Variants in DCUN1D2 observed in about 807,000 individuals in gnomAD.
The protein encoded by DCUN1D2 is DCN1-like protein 2.
A neutral mutation model predicts 30.9 loss-of-function variants in DCUN1D2; 29 were observed. That is an observed-to-expected ratio of 0.94 (90% CI 0.70 to 1.28). The LOEUF (loss-of-function observed/expected upper bound fraction) is 1.28, where lower values mean the gene tolerates loss of function less well. Ranked by LOEUF, DCUN1D2 falls within the 50% of genes most tolerant of loss-of-function variation. The probability of loss-of-function intolerance (pLI) is 0.00; values close to 1 mark genes in which losing one functional copy is unlikely to be tolerated. For missense variants in DCUN1D2, 325 were observed against 316.9 expected (o/e 1.03, Z -0.19); for synonymous variants, 121 against 115.3 (o/e 1.05, Z -0.32).
rs111264541 is a variant in DCUN1D2, at chr13:113,463,542, C to A, written c.521-2406G>T. Among the ~76,000 whole-genome samples, 1,049 of 149,744 alleles carry A rather than the reference C, an allele frequency of 7.0e-3. 6 individuals are homozygous for A. Among genetic ancestry groups the A allele is most frequent in the Non-Finnish European group, 0.012 (824 of 67,194 alleles). ...CCCTCACCTCTTTAAAAAAAAAAAA[C>A]AAAAACAAAAACACAAAAGATTCCC... On this transcript the variant is annotated intron_variant, in intron 4 of 6. Coordinates refer to ENST00000478244, the MANE Select transcript of DCUN1D2 (RefSeq NM_001014283.2).
intron 4 of DCUN1D2, among the ~76,000 whole-genome samples, chr13:113,466,709 C>CTT (rs2044408300): frequency 6.6e-6 from 1 of 151,704 alleles, no homozygotes; most frequent in African/African-American, 2.4e-5. Context: ...GTGAAACAGG[C>CTT]TTTTCTCTAG....
chr13:113,464,002 C>T (rs1595568994), intron 4 of DCUN1D2, among the ~76,000 whole-genome samples: 1 of 152,228 alleles, frequency 6.6e-6, no homozygotes, highest in East Asian at 1.9e-4. Flanking sequence ...GACGGCTCTA[C>T]TTCTGGGCTA....
chr13:113,461,827 G>A (rs539850311), intron 4 of DCUN1D2, among the ~76,000 whole-genome samples: 2 of 152,292 alleles, frequency 1.3e-5, no homozygotes, highest in East Asian at 1.9e-4. Flanking sequence ...TATGAATGCC[G>A]AGTTTCAGGG....
chr13:113,463,761 G>C (rs2044356608), intron 4 of DCUN1D2, among the ~76,000 whole-genome samples: 1 of 148,696 alleles, frequency 6.7e-6, no homozygotes, highest in African/African-American at 2.5e-5. Context: ...CCCACAAAGA[G>C]ACACAGACAC....
At chr13:113,474,820 T>C (rs982157792) in intron 3 of DCUN1D2, among the ~76,000 whole-genome samples, 4 of 152,224 alleles carry the variant, frequency 2.6e-5, no homozygotes, top group Non-Finnish European at 5.9e-5. Context: ...TGTCCCATCA[T>C]ACAAGCGAAA....
upstream of DCUN1D2, chr13:113,490,920 G>T: frequency 4.3e-6 from 1 of 230,174 alleles, no homozygotes; most frequent in Non-Finnish European, 8.2e-6. The surrounding 1 kb of genome is among the most constrained non-coding windows in gnomAD (Gnocchi z 5.2). Context: ...GCCAGCCTGC[G>T]GCTGCCAGGC....
intron 1 of DCUN1D2, among the ~76,000 whole-genome samples, chr13:113,486,604 C>G (rs911245184): frequency 1.3e-5 from 2 of 152,330 alleles, no homozygotes; most frequent in African/African-American, 4.8e-5. Flanking sequence ...GCTACTCAAA[C>G]AATGAGTGTT....
In DCUN1D2 at chr13:113,472,258, G is replaced by A. The variant is rs1474593789; in HGVS notation, c.520+1866C>T. Among the ~76,000 whole-genome samples the A allele has an allele frequency of 1.9e-4, 29 of 152,032 alleles. 1 individual carries two copies. The highest frequency in any genetic ancestry group is 1.8e-3 in the Admixed American group (28 of 15,254). Reference sequence around the variant, plus strand: ...AGTAGGAAAAATAATCTGTAGTCCTGACTGTGGTTTAGAAGCATCCAAATG... The same window carrying A: ...AGTAGGAAAAATAATCTGTAGTCCTAACTGTGGTTTAGAAGCATCCAAATG... On this transcript the variant is annotated intron_variant, in intron 4 of 6. Transcript: ENST00000478244.
chr13:113,488,099 G>A lies in DCUN1D2; in HGVS notation c.3+2568C>T, dbSNP rs905212664. Among the ~76,000 whole-genome samples, 3 of 152,158 alleles carry A rather than the reference G, an allele frequency of 2.0e-5. No homozygotes were observed. The East Asian group carries it at 5.8e-4, about 29-fold the overall frequency. ...AGCAGCCTAATTTCTTGGAACTCTA[G>A]AAGAACAGATGCAGGAGCACATGGA... On this transcript the variant is annotated intron_variant, in intron 1 of 6. Coordinates refer to ENST00000478244, the MANE Select transcript of DCUN1D2 (RefSeq NM_001014283.2). The surrounding 1 kb of genome is among the most constrained non-coding windows in gnomAD (Gnocchi z 4.3).
rs1169165862 is a variant in DCUN1D2 at position 113,456,875 on chromosome 13, G to GT, written c.*1153dup. The GT allele has an allele frequency of 6.3e-5, 9 of 143,468 alleles. No individual in the cohort carries two copies. The highest frequency in any genetic ancestry group is 2.2e-4 in the African/African-American group (8 of 35,822). 8.9% of individuals were successfully genotyped at this position (143,468 alleles called of 1,614,324 possible). On this transcript the variant is annotated 3_prime_UTR_variant, in exon 7 of 7. Coordinates refer to ENST00000478244, the MANE Select transcript of DCUN1D2 (RefSeq NM_001014283.2). ...AAGAACCAGCTCATTCGGTTTTATT[G>GT]TATGTATGTATGTATTTATTTTGAG...
chr13:113,484,268 A>C, intron 1 of DCUN1D2: 2 of 1,023,984 alleles, frequency 2.0e-6, no homozygotes, highest in Non-Finnish European at 2.7e-6. Flanking sequence ...ATGAGAATTA[A>C]CATTTTATAC....
chr13:113,459,088 C>T (rs1373707956), intron 6 of DCUN1D2, among the ~76,000 whole-genome samples: 1 of 152,196 alleles, frequency 6.6e-6, no homozygotes, highest in Non-Finnish European at 1.5e-5. Context: ...TAACTCTTCA[C>T]ATCCAATTCT....
intron 4 of DCUN1D2, among the ~76,000 whole-genome samples, chr13:113,466,336 A>G (rs999489472): frequency 1.3e-5 from 2 of 152,260 alleles, no homozygotes; most frequent in Admixed American, 1.3e-4. Flanking sequence ...ATAAAAAATA[A>G]AGAGTTTTAT....
At chr13:113,478,295 C>G (rs565119063) in intron 3 of DCUN1D2, among the ~76,000 whole-genome samples, 1 of 150,674 alleles carries the variant, frequency 6.6e-6, no homozygotes, top group Non-Finnish European at 1.5e-5. Flanking sequence ...TTTTCACATA[C>G]GTTGTCAAAT....
intron 4 of DCUN1D2, 74 bp from the exon 5 acceptor site, chr13:113,461,210 T>C (rs2044313099): frequency 1.1e-6 from 1 of 892,884 alleles, no homozygotes; most frequent in Non-Finnish European, 1.8e-6. Flanking sequence ...GACCACTTCT[T>C]AGCATGTCAA....
chr13:113,474,254 C>A lies in DCUN1D2; in HGVS notation c.390G>T (p.Gly130=). The part of the protein sequence containing the change: ...KEFLDGMTEL[G]CDSMEKLKAL... ...CCTTTAGCTTCTCCATGCTGTCACA[C>A]CTGCGATGACAGAGAGTGGTTTGTC... is the stretch of plus-strand genomic sequence containing the variant. The change falls in exon 4 of 7, where the codon GGG becomes GGT. Residue 130 remains glycine (G), a splice_region_variant and synonymous_variant. Transcript: ENST00000478244. 6.2e-7 allele frequency: 1 copy of A among 1,613,642 alleles called. No individual in the cohort carries two copies.
chr13:113,467,786 G>A (rs1360683777), intron 4 of DCUN1D2, among the ~76,000 whole-genome samples: 11 of 152,152 alleles, frequency 7.2e-5, no homozygotes, highest in African/African-American at 2.2e-4. Context: ...GCTCATGCCT[G>A]TAATCCCAGC....
chr13:113,460,979 A>G (rs2044309063), intron 5 of DCUN1D2, 75 bp downstream of exon 5: 2 of 888,618 alleles, frequency 2.3e-6, no homozygotes, highest in Non-Finnish European at 3.6e-6. Flanking sequence ...CCTGAGGTGG[A>G]TGATTACATG....
chr13:113,460,659 A>T (rs1218818140), intron 5 of DCUN1D2, among the ~76,000 whole-genome samples: 3 of 152,244 alleles, frequency 2.0e-5, no homozygotes, highest in Non-Finnish European at 4.4e-5. Context: ...TCCGGAGCCC[A>T]AACCAGTCCA....
Sources: gnomAD v4.1 joint callset for allele counts (sites outside exome capture counted in the v4.1 genomes callset) on GRCh38, gnomAD v4.1.1 for gene constraint, Gnocchi (gnomAD v3.1) non-coding constraint, MANE v1.5 for transcripts, NCBI Gene and HGNC (gene_info 2026-07-23, HGNC 2026-07-21) for gene names.